The following RCL1 variants were observed in gnomAD, a reference collection of about 807,000 sequenced individuals.
The protein encoded by RCL1 is RNA terminal phosphate cyclase like 1.
A neutral mutation model predicts 42.4 loss-of-function variants in RCL1; 24 were observed. The observed-to-expected ratio is 0.57, with a 90% confidence interval of 0.41 to 0.80. RCL1 has a LOEUF of 0.80. Among genes scored for constraint, RCL1 ranks in the 30% least tolerant of loss-of-function variants. The probability of loss-of-function intolerance (pLI) is 0.00; values close to 1 mark genes in which losing one functional copy is unlikely to be tolerated. For missense variants in RCL1, 578 were observed against 467.9 expected, an observed-to-expected ratio of 1.24 and a Z score of -2.17; for synonymous variants, 228 against 177.3, an observed-to-expected ratio of 1.29 and a Z score of -2.27.
At chr9:4,807,564 G>T (rs1002756947) in intron 1 of RCL1, among the ~76,000 whole-genome samples, 2 of 152,086 alleles carry the variant, frequency 1.3e-5, no homozygotes, top group African/African-American at 4.8e-5. Flanking sequence ...TTGTTGTCCA[G>T]GCTGGAGTGC....
intron 1 of RCL1, among the ~76,000 whole-genome samples, chr9:4,814,508 C>A (rs1383013789): frequency 6.6e-6 from 1 of 152,178 alleles, no homozygotes; most frequent in Non-Finnish European, 1.5e-5. Flanking sequence ...GCATGATCAT[C>A]CTCCTGCCTT....
intron 6 of RCL1, 74 bp from the exon 7 acceptor site, chr9:4,844,451 C>T (rs1418374369): frequency 8.6e-7 from 1 of 1,168,668 alleles, no homozygotes; most frequent in Non-Finnish European, 1.2e-6. Context: ...TGTTTGTCTT[C>T]TCTTTCCGTT....
At chr9:4,860,055 AG>A in intron 8 of RCL1, 69 bp from the exon 9 acceptor site, 1 of 1,093,152 alleles carries the variant, frequency 9.1e-7, no homozygotes, top group South Asian at 1.8e-5. Flanking sequence ...CTTGGATTCT[AG>A]GTGGTAGAGG....
chr9:4,849,928 T>A (rs959323467), intron 8 of RCL1, among the ~76,000 whole-genome samples: 1 of 152,196 alleles, frequency 6.6e-6, no homozygotes, highest in African/African-American at 2.4e-5. Context: ...ACAGGCTTTT[T>A]GTCTAAGATG....
chr9:4,854,737 G>A lies in RCL1; in HGVS notation c.971+5187G>A, dbSNP rs1399417187. 2.0e-5 allele frequency among the ~76,000 whole-genome samples: 3 copies of A among 152,264 alleles called. 1 individual carries two copies. The East Asian group carries it at 5.8e-4, about 29-fold the overall frequency. On this transcript the variant is annotated intron_variant, in intron 8 of 8. Coordinates refer to ENST00000381750, the MANE Select transcript of RCL1 (RefSeq NM_005772.5). ...TGGCCTTTCCTGTTGACCAGCAGTG[G>A]CAGTGGGAACAACTCACCTTTTGAA...
chr9:4,827,759 C>CACGTGT (rs1563842884), intron 3 of RCL1, among the ~76,000 whole-genome samples: 6 of 44,924 alleles, frequency 1.3e-4, no homozygotes, highest in Non-Finnish European at 3.6e-4. Flanking sequence ...TGTGTGTGCA[C>CACGTGT]GCGTGTGTGT....
At chr9:4,832,396 T>C (rs1349738988) in intron 3 of RCL1, among the ~76,000 whole-genome samples, 1 of 152,218 alleles carries the variant, frequency 6.6e-6, no homozygotes, top group East Asian at 1.9e-4. Context: ...AGCTGTTGAA[T>C]AGTTAATTTG....
intron 6 of RCL1, among the ~76,000 whole-genome samples, chr9:4,843,099 T>A (rs1587725850): frequency 6.6e-6 from 1 of 152,244 alleles, no homozygotes; most frequent in Non-Finnish European, 1.5e-5. Context: ...AAAACCAATG[T>A]GGGATTTAAA....
At chr9:4,857,931 C>CTTTT (rs34470773) in intron 8 of RCL1, among the ~76,000 whole-genome samples, 15 of 103,032 alleles carry the variant, frequency 1.5e-4, no homozygotes, top group Non-Finnish European at 2.7e-4. Flanking sequence ...AGCTCTCCCA[C>CTTTT]TTTTTTTTTT....
chr9:4,834,284 T>C lies in RCL1; in HGVS notation c.584+19T>C, dbSNP rs1817048631. 4 of 1,597,902 alleles carry C rather than the reference T, an allele frequency of 2.5e-6. No homozygotes were observed. Among genetic ancestry groups the C allele is most frequent in the Non-Finnish European group, 3.4e-6 (4 of 1,172,732 alleles). ...GAATGGCGTATCCTTTCCATTTATT[T>C]GGATTTCTTTTTTTTTTGTTGTTGT... On this transcript the variant is annotated intron_variant, in intron 5 of 8. Coordinates refer to ENST00000381750, the MANE Select transcript of RCL1 (RefSeq NM_005772.5).
At chr9:4,832,909 C>T (rs1334345116) in intron 3 of RCL1, among the ~76,000 whole-genome samples, 2 of 151,130 alleles carry the variant, frequency 1.3e-5, no homozygotes, top group African/African-American at 4.9e-5. Context: ...CACACGATGA[C>T]TTTAAGGTAG....
At chr9:4,808,980 T>C (rs1816074961) in intron 1 of RCL1, among the ~76,000 whole-genome samples, 1 of 152,244 alleles carries the variant, frequency 6.6e-6, no homozygotes, top group African/African-American at 2.4e-5. Flanking sequence ...ACTTAACTCT[T>C]GCTGTGTTGC....
At chr9:4,822,715 G>C (rs148933968) in intron 1 of RCL1, among the ~76,000 whole-genome samples, 386 of 152,196 alleles carry the variant, frequency 2.5e-3, no homozygotes, top group African/African-American at 8.9e-3. Flanking sequence ...CAGCTACTTG[G>C]GAGGCTGAGG....
intron 5 of RCL1, among the ~76,000 whole-genome samples, chr9:4,837,726 G>A (rs1817186709): frequency 1.3e-5 from 2 of 152,170 alleles, no homozygotes; most frequent in South Asian, 4.1e-4. Flanking sequence ...GTAGTGCCGG[G>A]CACCTTGGGT....
At chr9:4,814,910 T>C (rs906423530) in intron 1 of RCL1, among the ~76,000 whole-genome samples, 4 of 152,102 alleles carry the variant, frequency 2.6e-5, no homozygotes, top group African/African-American at 9.7e-5. Flanking sequence ...GTTTTTTTTT[T>C]CTTTCAGCAT....
intron 1 of RCL1, among the ~76,000 whole-genome samples, chr9:4,815,656 C>T (rs1305145218): frequency 6.6e-6 from 1 of 151,880 alleles, no homozygotes; most frequent in African/African-American, 2.4e-5. Context: ...GGAGTTTTTG[C>T]TGCTTGCTCC....
intron 6 of RCL1, among the ~76,000 whole-genome samples, chr9:4,842,587 T>TTATG (rs1817369659): frequency 6.6e-6 from 1 of 152,212 alleles, no homozygotes; most frequent in Non-Finnish European, 1.5e-5. Context: ...TTTTCCTCAT[T>TTATG]TATGCATTGA....
At chr9:4,811,662 C>G (rs1001168167) in intron 1 of RCL1, among the ~76,000 whole-genome samples, 2 of 152,134 alleles carry the variant, frequency 1.3e-5, no homozygotes, top group East Asian at 1.9e-4. Flanking sequence ...GTTTAATAAA[C>G]CTGAGAGTGC....
chr9:4,858,236 A>G (rs780190312), intron 8 of RCL1, among the ~76,000 whole-genome samples: 3 of 152,054 alleles, frequency 2.0e-5, no homozygotes, highest in African/African-American at 2.4e-5. Context: ...AGTTGTTTAT[A>G]TAGTTGAGAT....
Sources: gnomAD v4.1 joint callset for allele counts (sites outside exome capture counted in the v4.1 genomes callset) on GRCh38, gnomAD v4.1.1 for gene constraint, MANE v1.5 for transcripts, NCBI Gene and HGNC (gene_info 2026-07-23, HGNC 2026-07-21) for gene names.